The following ZNF782 variants were observed in gnomAD, a reference collection of about 807,000 sequenced individuals.
ZNF782 encodes the protein zinc finger protein 782.
In ZNF782, 12 loss-of-function variants were observed where a neutral mutation model predicts 13.0. That is an observed-to-expected ratio of 0.92 (90% confidence interval 0.59 to 1.50). The LOEUF (loss-of-function observed/expected upper bound fraction) is 1.50. Among genes scored for constraint, ZNF782 ranks in the 40% most tolerant of loss-of-function variants. The pLI, the probability that ZNF782 is intolerant of heterozygous loss-of-function variation, is 0.00. For synonymous variants in ZNF782, 284 were observed against 283.0 expected, an observed-to-expected ratio of 1.00 and a Z score of -0.04; for missense variants, 770 against 822.9, an observed-to-expected ratio of 0.94 and a Z score of 0.79.
the ZNF782 span, among the ~76,000 whole-genome samples, chr9:96,919,722 C>T: frequency 1.3e-5 from 2 of 149,990 alleles, no homozygotes; most frequent in Non-Finnish European, 2.9e-5. Flanking sequence ...TACCACTACG[C>T]CCAGCTAATT....
the ZNF782 span, among the ~76,000 whole-genome samples, chr9:96,902,381 G>A: frequency 7.7e-5 from 10 of 130,240 alleles, no homozygotes; most frequent in African/African-American, 2.6e-4. Flanking sequence ...CTGAGATCAC[G>A]TGAGTGTGCT....
At chr9:96,911,521 G>GTTTTTTTTTTTTTTTTT in the ZNF782 span, among the ~76,000 whole-genome samples, 1 of 109,610 alleles carries the variant, frequency 9.1e-6, no homozygotes, top group Admixed American at 9.3e-5. Flanking sequence ...TTTTTGTTTT[G>GTTTTTTTTTTTTTTTTT]TTTTGTTTTT....
upstream of ZNF782, among the ~76,000 whole-genome samples, chr9:96,856,019 T>C (rs528439442): frequency 6.6e-6 from 1 of 152,320 alleles, no homozygotes; most frequent in East Asian, 1.9e-4. Context: ...TTTTCATATG[T>C]TTGTTGGCCA....
chr9:96,902,832 TCTCA>T, the ZNF782 span: 4 of 148,278 alleles, frequency 2.7e-5, no homozygotes, highest in Admixed American at 6.8e-5. Context: ...TGAAACAGGG[TCTCA>T]CTGTCACCCA....
At position 96,819,081 on chromosome 9, in the gene ZNF782, T is replaced by C. The variant is rs1322965403; in HGVS notation, c.942A>G (p.Glu314=). The change falls in exon 6 of 6, where the codon GAA becomes GAG. Residue 314 remains glutamate (E), a synonymous_variant. Coordinates refer to ENST00000481138, the MANE Select transcript of ZNF782 (RefSeq NM_001001662.3). ...AATTACGGTTGAAACTTTTTCCATA[T>C]TCAAAGGGTTTCACCCCTATATGAA... ...HRVHIGVKPF[E]YGKSFNRNST... The C allele has an allele frequency of 6.2e-7, 1 of 1,614,012 alleles. No individual in the cohort carries two copies. The highest frequency in any genetic ancestry group is 1.3e-5 in the African/African-American group (1 of 74,934).
chr9:96,929,876 G>C, the ZNF782 span, among the ~76,000 whole-genome samples: 1 of 151,300 alleles, frequency 6.6e-6, no homozygotes, highest in South Asian at 2.1e-4. Context: ...GGCGACAGGT[G>C]TGGATTCTTG....
chr9:96,879,504 AAAAC>A (rs1851937190), upstream of ZNF782, among the ~76,000 whole-genome samples: 1 of 152,208 alleles, frequency 6.6e-6, no homozygotes, highest in African/African-American at 2.4e-5. Context: ...CTCCGTCTCA[AAAAC>A]AAACAAAAAA....
At chr9:96,877,603 C>G (rs1412573302), upstream of ZNF782, among the ~76,000 whole-genome samples, 1 of 152,258 alleles carries the variant, frequency 6.6e-6, no homozygotes, top group African/African-American at 2.4e-5. Flanking sequence ...GGCTTCGCTC[C>G]GCGAGATCTG....
chr9:96,913,641 C>A, the ZNF782 span, among the ~76,000 whole-genome samples: 25 of 150,450 alleles, frequency 1.7e-4, no homozygotes, highest in East Asian at 1.9e-3. Flanking sequence ...CTCCTGCCTC[C>A]GCCTCCCAAG....
chr9:96,818,430 C>G lies in ZNF782; in HGVS notation c.1593G>C (p.Glu531Asp). 6.2e-7 allele frequency: 1 copy of G among 1,614,160 alleles called. No homozygotes were observed. The highest frequency in any genetic ancestry group is 1.6e-4 in the Middle Eastern group (1 of 6,062). Residue 531 changes from glutamate (E) to aspartate (D), a missense_variant, in exon 6 of 6, where the codon GAG becomes GAC. Glu to Asp is a conservative substitution (Grantham distance 45). Transcript: ENST00000481138. ...LRKHHRTHTG[E>D]KPYKCNQCGK... ...CACACTGATTACATTTGTAGGGCTT[C>G]TCCCCTGTGTGTGTTCTATGATGTT...
At chr9:96,913,792 G>A in the ZNF782 span, among the ~76,000 whole-genome samples, 27 of 151,344 alleles carry the variant, frequency 1.8e-4, no homozygotes, top group African/African-American at 5.3e-4. Context: ...CCCAAAGTGC[G>A]GGGATTACAG....
chr9:96,918,202 G>A, the ZNF782 span, among the ~76,000 whole-genome samples: 15 of 150,932 alleles, frequency 9.9e-5, no homozygotes, highest in African/African-American at 3.4e-4. Context: ...GGAGTTCAAC[G>A]CCAGCCTGGC....
At chr9:96,827,506 GT>G (rs1850665054) in intron 4 of ZNF782, among the ~76,000 whole-genome samples, 1 of 151,924 alleles carries the variant, frequency 6.6e-6, no homozygotes, top group African/African-American at 2.4e-5. Context: ...ATTTTTTAAA[GT>G]TTTTTTGTAA....
intron 1 of ZNF782, among the ~76,000 whole-genome samples, chr9:96,872,566 C>G (rs535754107): frequency 6.6e-6 from 1 of 152,024 alleles, no homozygotes; most frequent in Non-Finnish European, 1.5e-5. Context: ...ATGTTTTTAA[C>G]TCTTCTATTC....
chr9:96,878,729 A>C (rs139995872), upstream of ZNF782, among the ~76,000 whole-genome samples: 2 of 152,206 alleles, frequency 1.3e-5, no homozygotes, highest in African/African-American at 4.8e-5. Flanking sequence ...ACTATTATAA[A>C]TAATATGTGG....
intron 4 of ZNF782, among the ~76,000 whole-genome samples, chr9:96,829,772 A>G (rs1489179721): frequency 6.6e-6 from 1 of 152,214 alleles, no homozygotes; most frequent in East Asian, 1.9e-4. Flanking sequence ...ATAGGAATTG[A>G]GAAAGCAATA....
At chr9:96,895,801 T>C in the ZNF782 span, 1 of 152,176 alleles carries the variant, frequency 6.6e-6, no homozygotes, top group East Asian at 1.9e-4. Flanking sequence ...GCAGAATAAT[T>C]GGAATAGACA....
intron 1 of ZNF782, among the ~76,000 whole-genome samples, chr9:96,867,303 G>A (rs773439071): frequency 2.5e-4 from 38 of 152,132 alleles, no homozygotes; most frequent in Non-Finnish European, 1.9e-4. Context: ...AGATCTGACA[G>A]TATTATAAGG....
the ZNF782 span, among the ~76,000 whole-genome samples, chr9:96,903,494 T>G: frequency 6.6e-6 from 1 of 150,866 alleles, no homozygotes; most frequent in Non-Finnish European, 1.5e-5. Context: ...CAAAGCTTTA[T>G]GAAACACCGC....
Sources: allele counts gnomAD v4.1 joint callset (sites outside exome capture counted in the v4.1 genomes callset), GRCh38; gene constraint gnomAD v4.1.1; transcripts MANE v1.5; gene names NCBI Gene and HGNC (gene_info 2026-07-23, HGNC 2026-07-21).